TTF1: variants seen among roughly 807,000 people sequenced by gnomAD.
TTF1 encodes the protein transcription termination factor, RNA polymerase I.
A neutral mutation model predicts 80.2 loss-of-function variants in TTF1; 64 were observed. The ratio of observed to expected loss-of-function variants is 0.80; its 90% CI spans 0.65 to 0.98. The LOEUF is 0.98. Among genes scored for constraint, TTF1 ranks in the 50% least tolerant of loss-of-function variants. The pLI is 0.00. For synonymous variants in TTF1, 372 were observed against 382.7 expected, an observed-to-expected ratio of 0.97 and a Z score of 0.33; for missense variants, 1,023 against 1,086.2, an observed-to-expected ratio of 0.94 and a Z score of 0.82.
At chr9:132,378,155 G>A (rs1444953690) in intron 10 of TTF1, among the ~76,000 whole-genome samples, 1 of 140,570 alleles carries the variant, frequency 7.1e-6, no homozygotes, top group Non-Finnish European at 1.5e-5. Context: ...TGTGGTGTGT[G>A]TGAGTGCATG....
chr9:132,401,173 T>A (rs991152192), intron 2 of TTF1, among the ~76,000 whole-genome samples: 5 of 151,884 alleles, frequency 3.3e-5, no homozygotes, highest in Non-Finnish European at 7.4e-5. Flanking sequence ...CTACTAAAAA[T>A]ACAAAATTAG....
intron 9 of TTF1, 26 bp from the exon 10 acceptor site, chr9:132,379,170 A>G (rs1341579757): frequency 1.9e-6 from 3 of 1,544,766 alleles, no homozygotes; most frequent in African/African-American, 2.8e-5. Flanking sequence ...GAAAAGATAA[A>G]AAGCAAGTTA....
chr9:132,403,150 T>G (rs1402288654), intron 1 of TTF1, among the ~76,000 whole-genome samples: 1 of 152,190 alleles, frequency 6.6e-6, no homozygotes, highest in Non-Finnish European at 1.5e-5. Context: ...TCAGCCACCG[T>G]GCCTGGCCTA....
intron 2 of TTF1, among the ~76,000 whole-genome samples, chr9:132,400,655 C>A (rs566343174): frequency 1.1e-4 from 17 of 152,214 alleles, no homozygotes; most frequent in African/African-American, 3.6e-4. Flanking sequence ...CTCACTTAGG[C>A]TACTAGAATA....
In TTF1 at chr9:132,401,611, CCA is replaced by C. The variant is rs1564190685; in HGVS notation, c.1209_1210del (p.Gly404Ter). 1 of 1,614,180 alleles carries C rather than the reference CCA, an allele frequency of 6.2e-7. No homozygotes were observed. The highest frequency in any genetic ancestry group is 2.2e-5 in the East Asian group (1 of 44,876). On this transcript the variant is annotated frameshift_variant, in exon 2 of 11. Transcript: ENST00000334270. LOFTEE classifies it high-confidence loss of function. ...CTTACTGGGCACTGAAAAATCATCA[CCA>C]GACACTCGTGCCCTTTTGACAGACG...
intron 5 of TTF1, among the ~76,000 whole-genome samples, chr9:132,392,470 C>T (rs1398006081): frequency 6.6e-6 from 1 of 152,200 alleles, no homozygotes; most frequent in Non-Finnish European, 1.5e-5. Context: ...GAGCCTCTGT[C>T]CCTGTGGTGG....
rs150967416 is a variant in TTF1 at position 132,393,385 on chromosome 9, C to T, written c.1857-1179G>A. On this transcript the variant is annotated intron_variant, in intron 5 of 10. Coordinates refer to ENST00000334270, the MANE Select transcript of TTF1 (RefSeq NM_007344.4). ...TCACGGGAATGAGGGCAAGGAACAC[C>T]GGGCCCACCCAGGGCGGAAAACCGC... Among the ~76,000 whole-genome samples, 1,273 of 152,298 alleles carry T rather than the reference C, an allele frequency of 8.4e-3. 14 individuals carry two copies. The highest frequency in any genetic ancestry group is 0.028 in the African/African-American group (1,184 of 41,562).
chr9:132,380,235 A>G (rs1043195865), intron 9 of TTF1, among the ~76,000 whole-genome samples: 2 of 151,924 alleles, frequency 1.3e-5, no homozygotes, highest in African/African-American at 2.4e-5. Context: ...ACGCCCAGCT[A>G]AATTTTTGTA....
intron 1 of TTF1, 88 bp from the exon 2 acceptor site, chr9:132,402,916 C>T (rs1849795832): frequency 1.1e-5 from 14 of 1,319,400 alleles, no homozygotes; most frequent in South Asian, 3.0e-5. Flanking sequence ...AGTGCAGTGG[C>T]GCGATCTCGG....
rs1450441038 is a variant in TTF1 at position 132,402,826 on chromosome 9, T to G, written c.-5A>C. On this transcript the variant is annotated splice_region_variant and 5_prime_UTR_variant, in exon 2 of 11. Coordinates refer to ENST00000334270, the MANE Select transcript of TTF1 (RefSeq NM_007344.4). ...TCTGCTTGATTCTCCTTCCATTTTA[T>G]TCCTATATGGAAATGTGACAACAAT... 1.9e-6 allele frequency: 3 copies of G among 1,571,058 alleles called. No homozygotes were observed. The highest frequency in any genetic ancestry group is 4.0e-5 in the Admixed American group (2 of 49,886).
chr9:132,388,807 G>A (rs1456304167), intron 7 of TTF1, among the ~76,000 whole-genome samples: 2 of 152,198 alleles, frequency 1.3e-5, no homozygotes, highest in Non-Finnish European at 2.9e-5. Flanking sequence ...AGTAAAGGCA[G>A]TGACCCAATT....
chr9:132,400,026 C>G lies in TTF1; in HGVS notation c.1591+9G>C. 6.2e-7 allele frequency: 1 copy of G among 1,614,142 alleles called. No homozygotes were observed. On this transcript the variant is annotated intron_variant, in intron 3 of 10. Coordinates refer to ENST00000334270, the MANE Select transcript of TTF1 (RefSeq NM_007344.4). Reference sequence around the variant, plus strand: ...AAGTTCAACAAACACTAAGGCCCCACAAGCTCACCTTGTGCTTTAAATTCC... The same window carrying G: ...AAGTTCAACAAACACTAAGGCCCCAGAAGCTCACCTTGTGCTTTAAATTCC...
In TTF1 at chr9:132,384,637, G is replaced by A. The variant is rs1849427409; in HGVS notation, c.2378+1919C>T. Reference sequence around the variant, plus strand: ...GTGGTAAGGGGACACTTTTCACTGTGTTTCCTTTCAGGTTTCTTTCTTTCT... The same window carrying A: ...GTGGTAAGGGGACACTTTTCACTGTATTTCCTTTCAGGTTTCTTTCTTTCT... On this transcript the variant is annotated intron_variant, in intron 9 of 10. Coordinates refer to ENST00000334270, the MANE Select transcript of TTF1 (RefSeq NM_007344.4). The surrounding 1 kb of genome is among the most constrained non-coding windows in gnomAD (Gnocchi z 4.1). Among the ~76,000 whole-genome samples, 1 of 152,104 alleles carries A rather than the reference G, an allele frequency of 6.6e-6. No homozygotes were observed. Among genetic ancestry groups the A allele is most frequent in the African/African-American group, 2.4e-5 (1 of 41,428 alleles).
chr9:132,400,026 C>T lies in TTF1; in HGVS notation c.1591+9G>A. 1 of 1,614,142 alleles carries T rather than the reference C, an allele frequency of 6.2e-7. No homozygotes were observed. The highest frequency in any genetic ancestry group is 8.5e-7 in the Non-Finnish European group (1 of 1,179,982). ...AAGTTCAACAAACACTAAGGCCCCACAAGCTCACCTTGTGCTTTAAATTCC... is the reference window on the plus strand; with the variant it reads ...AAGTTCAACAAACACTAAGGCCCCATAAGCTCACCTTGTGCTTTAAATTCC... On this transcript the variant is annotated intron_variant, in intron 3 of 10. Transcript: ENST00000334270.
intron 4 of TTF1, 99 bp downstream of exon 4, chr9:132,398,042 A>T (rs1849685204): frequency 1.0e-6 from 1 of 956,780 alleles, no homozygotes; most frequent in Non-Finnish European, 1.5e-6. Flanking sequence ...CGCCGCCTGC[A>T]GGCAATGGGC....
chr9:132,402,449 C>T lies in TTF1; in HGVS notation c.373G>A (p.Val125Ile). 1 of 1,614,226 alleles carries T rather than the reference C, an allele frequency of 6.2e-7. No individual in the cohort carries two copies. Among genetic ancestry groups the T allele is most frequent in the Non-Finnish European group, 8.5e-7 (1 of 1,180,040 alleles). ...TPKHFRKDVDVVCVDMSIEQK... is the reference protein window; with the variant it reads ...TPKHFRKDVDIVCVDMSIEQK... ...TCTATGCTCATATCAACACAAACAA[C>T]ATCAACATCCTTTCTAAAATGCTTT... Residue 125 changes from valine (V) to isoleucine (I), a missense_variant, in exon 2 of 11, where the codon GTT becomes ATT. Transcript: ENST00000334270.
chr9:132,405,937 G>A (rs1051753868), intron 1 of TTF1, among the ~76,000 whole-genome samples: 1 of 152,192 alleles, frequency 6.6e-6, no homozygotes, highest in African/African-American at 2.4e-5. Flanking sequence ...ACTTTCTCAA[G>A]AGGACCTCTC....
rs34439599 is a variant in TTF1, at chr9:132,403,669, T to TA, written c.-7-842dup. 7.9e-3 allele frequency among the ~76,000 whole-genome samples: 1,184 copies of TA among 149,062 alleles called. 15 individuals are homozygous for TA. The highest frequency in any genetic ancestry group is 0.024 in the Middle Eastern group (7 of 292). Reference sequence around the variant, plus strand: ...CATTTACAGGCTGTCTTCTCTGCTTTAAAAAAAAAAGACAAAGAAAAAAGA... The same window carrying TA: ...CATTTACAGGCTGTCTTCTCTGCTTTAAAAAAAAAAAGACAAAGAAAAAAGA... On this transcript the variant is annotated intron_variant, in intron 1 of 10. Coordinates refer to ENST00000334270, the MANE Select transcript of TTF1 (RefSeq NM_007344.4).
At chr9:132,383,852 G>A (rs936856925) in intron 9 of TTF1, among the ~76,000 whole-genome samples, 2 of 151,994 alleles carry the variant, frequency 1.3e-5, no homozygotes, top group African/African-American at 4.8e-5. Flanking sequence ...ACCACCGAGG[G>A]GCTTTCTCAT....
Sources: allele counts gnomAD v4.1 joint callset (sites outside exome capture counted in the v4.1 genomes callset), GRCh38; gene constraint gnomAD v4.1.1; non-coding constraint Gnocchi (gnomAD v3.1); transcripts MANE v1.5; gene names NCBI Gene and HGNC (gene_info 2026-07-23, HGNC 2026-07-21).